FBXO15: variants seen among roughly 807,000 people sequenced by gnomAD.
FBXO15 encodes F-box only protein 15.
FBXO15 carries 30 observed loss-of-function variants against 49.5 expected under a neutral mutation model. The observed-to-expected ratio is 0.61, with a 90% CI of 0.45 to 0.82. FBXO15 has a LOEUF of 0.82. FBXO15 is among the 40% of genes least tolerant of loss of function. The pLI is 0.00. For synonymous variants in FBXO15, 250 were observed against 232.7 expected (o/e 1.07, Z -0.68); for missense variants, 591 against 631.5 (o/e 0.94, Z 0.69).
At chr18:74,098,499 C>T (rs1913380111) in intron 8 of FBXO15, 1 of 152,110 alleles carries the variant, frequency 6.6e-6, no homozygotes, top group African/African-American at 2.4e-5. Flanking sequence ...TAGAACTGAA[C>T]ATGGCAGAAG....
At chr18:74,133,402 G>C (rs1012453304) in intron 3 of FBXO15, among the ~76,000 whole-genome samples, 2 of 152,086 alleles carry the variant, frequency 1.3e-5, no homozygotes, top group Admixed American at 1.3e-4. Context: ...AGAGAAGACA[G>C]TAAAGAAACT....
chr18:74,087,982 T>C lies in FBXO15; in HGVS notation c.1139-5931A>G, dbSNP rs1045883025. Among the ~76,000 whole-genome samples the C allele has an allele frequency of 1.3e-5, 2 of 152,224 alleles. 1 individual carries two copies. Among genetic ancestry groups the C allele is most frequent in the African/African-American group, 4.8e-5 (2 of 41,458 alleles). On this transcript the variant is annotated intron_variant, in intron 8 of 9. Transcript: ENST00000419743. ...TAATGATTAGTGATGTTGAGCATTT[T>C]ATCATATGCTTGTTGGCAGCATGTA...
Position 74,096,026 on chromosome 18 carries a change from A to C in FBXO15, c.1139-13975T>G, listed in dbSNP as rs116351372. 5.6e-3 allele frequency among the ~76,000 whole-genome samples: 847 copies of C among 152,240 alleles called. 8 individuals carry two copies. The highest frequency in any genetic ancestry group is 0.02 in the African/African-American group (814 of 41,534). On this transcript the variant is annotated intron_variant, in intron 8 of 9. Coordinates refer to ENST00000419743, the MANE Select transcript of FBXO15 (RefSeq NM_001142958.2). ...CACCCCTCCCCCGATTCTACCCATA[A>C]CCAAGGGCGTCGAAAATTTTCCTGC...
chr18:74,147,321 C>T (rs990950818), intron 1 of FBXO15, among the ~76,000 whole-genome samples: 10 of 152,074 alleles, frequency 6.6e-5, no homozygotes, highest in Admixed American at 2.6e-4. Context: ...TACAGAAGAG[C>T]GAAAATACGA....
At chr18:74,092,411 G>C (rs895459933) in intron 8 of FBXO15, among the ~76,000 whole-genome samples, 1 of 152,150 alleles carries the variant, frequency 6.6e-6, no homozygotes, top group African/African-American at 2.4e-5. Flanking sequence ...AACCATTGTG[G>C]GGGAACTAGT....
At chr18:74,090,907 A>G (rs1218466974) in intron 8 of FBXO15, among the ~76,000 whole-genome samples, 4 of 152,110 alleles carry the variant, frequency 2.6e-5, no homozygotes, top group Admixed American at 2.0e-4. Context: ...TGTTCTGTAC[A>G]TGGCTATTTG....
In FBXO15 at chr18:74,074,884, G is replaced by A. The variant is rs978073057; in HGVS notation, c.1264-1154C>T. ...CCACTAGCCAGCCCTTCCTTCTCCC[G>A]CCTCTTCCTTTCCACTTTAGATTTC... On this transcript the variant is annotated intron_variant, in intron 9 of 9. Transcript: ENST00000419743. This position sits in a 1 kb window ranked among gnomAD's most constrained non-coding sequence, Gnocchi z 4.7. 5.3e-5 allele frequency among the ~76,000 whole-genome samples: 8 copies of A among 151,932 alleles called. No homozygotes were observed. The highest frequency in any genetic ancestry group is 1.5e-4 in the African/African-American group (6 of 41,350).
At position 74,129,426 on chromosome 18, in the gene FBXO15, T is replaced by C; in HGVS notation, c.764A>G (p.Tyr255Cys). The stretch of plus-strand genomic sequence containing the variant: ...TTACCTATGTTTGGTGGGAGTTTTA[T>C]ACCAGTCGGTAAAAACTGGTGTCAT... ...CGMTPVFTDW[Y>C]KTPTKHRLRW... The change falls in exon 5 of 10, where the codon TAT becomes TGT. Residue 255 changes from tyrosine (Y) to cysteine (C), a missense_variant. Tyr to Cys is a radical substitution (Grantham distance 194, BLOSUM62 -2). Transcript: ENST00000419743. The C allele has an allele frequency of 1.2e-6, 2 of 1,613,948 alleles. No individual in the cohort carries two copies. Among genetic ancestry groups the C allele is most frequent in the Non-Finnish European group, 1.7e-6 (2 of 1,179,922 alleles).
At chr18:74,125,004 G>A (rs1182553095) in intron 6 of FBXO15, among the ~76,000 whole-genome samples, 2 of 152,126 alleles carry the variant, frequency 1.3e-5, no homozygotes, top group Non-Finnish European at 2.9e-5. Context: ...CCAACGTGGT[G>A]GGAATGATTA....
chr18:74,107,193 T>TAAA (rs200161286), intron 8 of FBXO15, among the ~76,000 whole-genome samples: 8 of 128,522 alleles, frequency 6.2e-5, no homozygotes, highest in African/African-American at 2.7e-4. Context: ...TGATATTCTG[T>TAAA]AAAAAAAAAA....
chr18:74,115,561 C>A (rs1035691791), intron 8 of FBXO15, among the ~76,000 whole-genome samples: 1 of 152,172 alleles, frequency 6.6e-6, no homozygotes. Flanking sequence ...ATTGTTCTGC[C>A]TGAAAACAAA....
Position 74,135,771 on chromosome 18 carries a change from G to C in FBXO15, c.323C>G (p.Ala108Gly). The change falls in exon 3 of 10, where the codon GCC (alanine) becomes GGC (glycine). Residue 108 changes from alanine to glycine, a missense_variant. Ala to Gly is a moderately conservative substitution (Grantham distance 60). Transcript: ENST00000419743. ...TTGGATTTCTGCTTACTTGTCATTG[G>C]CTAGATGATAAAAGCGCCTGCTCAC... ...GCVSRRFYHLANDNFIWIGIY... is the reference protein window; with the variant it reads ...GCVSRRFYHLGNDNFIWIGIY... 6.2e-7 allele frequency: 1 copy of C among 1,603,598 alleles called. No individual in the cohort carries two copies. The highest frequency in any genetic ancestry group is 1.1e-5 in the South Asian group (1 of 87,570).
intron 1 of FBXO15, among the ~76,000 whole-genome samples, chr18:74,141,617 G>T (rs1225760769): frequency 1.3e-5 from 2 of 152,146 alleles, no homozygotes; most frequent in African/African-American, 4.8e-5. Context: ...TAAGAACTTG[G>T]AAGAAAAAGT....
intron 8 of FBXO15, among the ~76,000 whole-genome samples, chr18:74,109,924 C>A (rs567404776): frequency 2.0e-5 from 3 of 151,668 alleles, no homozygotes; most frequent in East Asian, 3.9e-4. Flanking sequence ...CACATGTATA[C>A]CTATGTAACA....
At chr18:74,083,845 A>G (rs1912609811) in intron 8 of FBXO15, among the ~76,000 whole-genome samples, 2 of 152,234 alleles carry the variant, frequency 1.3e-5, no homozygotes, top group Admixed American at 1.3e-4. Flanking sequence ...TGTATATAAA[A>G]TAGGTGTATT....
rs567341547 is a variant in FBXO15, at chr18:74,090,797, A to G, written c.1139-8746T>C. Among the ~76,000 whole-genome samples the G allele has an allele frequency of 3.3e-5, 5 of 151,760 alleles. 1 individual carries two copies. Among genetic ancestry groups the G allele is most frequent in the African/African-American group, 1.2e-4 (5 of 41,342 alleles). ...TATGATTTTAGTTTTCTTTATTTTCATTTGCTGATGATTGTTTTATGTCTG... is the reference window on the plus strand; with the variant it reads ...TATGATTTTAGTTTTCTTTATTTTCGTTTGCTGATGATTGTTTTATGTCTG... On this transcript the variant is annotated intron_variant, in intron 8 of 9. Coordinates refer to ENST00000419743, the MANE Select transcript of FBXO15 (RefSeq NM_001142958.2).
chr18:74,147,297 G>A (rs747544517), intron 1 of FBXO15, among the ~76,000 whole-genome samples: 2 of 152,072 alleles, frequency 1.3e-5, no homozygotes, highest in Non-Finnish European at 2.9e-5. Flanking sequence ...AAAACACGAA[G>A]GGAGATTCTT....
chr18:74,113,336 T>C (rs551792828), intron 8 of FBXO15, among the ~76,000 whole-genome samples: 1 of 152,188 alleles, frequency 6.6e-6, no homozygotes, highest in South Asian at 2.1e-4. Context: ...ATTTTTAGGG[T>C]AGTGAAACTG....
intron 8 of FBXO15, among the ~76,000 whole-genome samples, chr18:74,115,283 T>C (rs1914180518): frequency 6.6e-6 from 1 of 152,180 alleles, no homozygotes; most frequent in Non-Finnish European, 1.5e-5. Context: ...GTGATGCTTA[T>C]TTCTGAGCAT....
Sources: gnomAD v4.1 joint callset for allele counts (sites outside exome capture counted in the v4.1 genomes callset) on GRCh38, gnomAD v4.1.1 for gene constraint, Gnocchi (gnomAD v3.1) non-coding constraint, MANE v1.5 for transcripts, NCBI Gene and HGNC (gene_info 2026-07-23, HGNC 2026-07-21) for gene names.